Variants in ZNF423 observed in about 807,000 individuals in gnomAD.
ZNF423 encodes zinc finger protein 423.
A neutral mutation model predicts 95.8 loss-of-function variants in ZNF423; 12 were observed. That is an observed-to-expected ratio of 0.13 (90% confidence interval 0.08 to 0.20). The LOEUF (loss-of-function observed/expected upper bound fraction) is 0.20, where lower values mean the gene tolerates loss of function less well. Among genes scored for constraint, ZNF423 ranks in the 10% least tolerant of loss-of-function variants. The pLI is 1.00. For synonymous variants in ZNF423, 749 were observed against 711.9 expected (o/e 1.05, Z -0.83); for missense variants, 1,316 against 1,737.1 (o/e 0.76, Z 4.31).
intron 7 of ZNF423, among the ~76,000 whole-genome samples, chr16:49,504,459 G>A (rs1289209867): frequency 1.3e-5 from 2 of 152,178 alleles, no homozygotes; most frequent in African/African-American, 4.8e-5. Context: ...GCGTGTGTCT[G>A]TAATCCCAGC....
chr16:49,837,977 T>C (rs561405781), intron 1 of ZNF423, among the ~76,000 whole-genome samples: 1 of 152,348 alleles, frequency 6.6e-6, no homozygotes, highest in African/African-American at 2.4e-5. Context: ...TTGTCTGTCT[T>C]GCTACTAAGC....
intron 3 of ZNF423, among the ~76,000 whole-genome samples, chr16:49,667,311 C>A (rs1004355445): frequency 1.3e-5 from 2 of 152,216 alleles, no homozygotes; most frequent in Non-Finnish European, 2.9e-5. Flanking sequence ...GAGAAGAGAC[C>A]ATCAGACAGT....
At chr16:49,540,562 T>A (rs1222511404) in intron 5 of ZNF423, among the ~76,000 whole-genome samples, 1 of 152,178 alleles carries the variant, frequency 6.6e-6, no homozygotes, top group Admixed American at 6.5e-5. Flanking sequence ...ATTCCAGGCA[T>A]GAGCCAATGC....
At position 49,636,977 on chromosome 16, in the gene ZNF423, A is replaced by G. The variant is rs770286703; in HGVS notation, c.2199T>C (p.Cys733=). 6.2e-7 allele frequency: 1 copy of G among 1,613,764 alleles called. No individual in the cohort carries two copies. Among genetic ancestry groups the G allele is most frequent in the South Asian group, 1.1e-5 (1 of 91,078 alleles). The change falls in exon 4 of 8, where the codon TGT becomes TGC. Residue 733 remains cysteine, a synonymous_variant. Transcript: ENST00000563137. This position sits in a 1 kb window ranked among gnomAD's most constrained non-coding sequence, Gnocchi z 8.6. ...ACACCTTGGAGTCGAAGACCTCCTGACACAGGGTGCAGTGGTACAACACAA... is the reference window on the plus strand; with the variant it reads ...ACACCTTGGAGTCGAAGACCTCCTGGCACAGGGTGCAGTGGTACAACACAA... The part of the protein sequence containing the change: ...HTFVLYHCTL[C]QEVFDSKVSI...
At chr16:49,722,245 C>A (rs1440892298) in intron 3 of ZNF423, among the ~76,000 whole-genome samples, 2 of 152,176 alleles carry the variant, frequency 1.3e-5, no homozygotes, top group African/African-American at 4.8e-5. Context: ...CCAAGCAGAC[C>A]CAGGCTGGCC....
chr16:49,589,575 G>T (rs1007901619), intron 5 of ZNF423, among the ~76,000 whole-genome samples: 1 of 152,022 alleles, frequency 6.6e-6, no homozygotes, highest in Non-Finnish European at 1.5e-5. Context: ...GTTCTTCTGG[G>T]GCTGATCAGC....
intron 2 of ZNF423, among the ~76,000 whole-genome samples, chr16:49,777,868 T>C (rs2034145938): frequency 6.6e-6 from 1 of 152,236 alleles, no homozygotes; most frequent in African/African-American, 2.4e-5. Context: ...TAGATGGTTA[T>C]TATTTTTTAA....
intron 5 of ZNF423, among the ~76,000 whole-genome samples, chr16:49,557,344 C>T (rs74457163): frequency 6.6e-6 from 1 of 152,320 alleles, no homozygotes; most frequent in East Asian, 1.9e-4. Flanking sequence ...GCCCGCTCCT[C>T]CTCCCCGGGT....
intron 2 of ZNF423, among the ~76,000 whole-genome samples, chr16:49,762,987 C>T (rs1396351617): frequency 6.6e-6 from 1 of 152,148 alleles, no homozygotes; most frequent in Non-Finnish European, 1.5e-5. Context: ...CTCACCTCAG[C>T]CTCCTGAGTA....
intron 1 of ZNF423, among the ~76,000 whole-genome samples, chr16:49,793,257 A>G (rs1861343): frequency 0.55 from 82,853 of 151,920 alleles, 22,646 homozygotes; most frequent in Middle Eastern, 0.62. Context: ...CCCGTCTGCA[A>G]CTGGAGCTGG....
chr16:49,530,993 C>T (rs1475045339), intron 5 of ZNF423, among the ~76,000 whole-genome samples: 1 of 152,214 alleles, frequency 6.6e-6, no homozygotes, highest in African/African-American at 2.4e-5. Context: ...GAAGACAGAG[C>T]CGCCCTCCGC....
At chr16:49,811,576 T>G (rs2034753086) in intron 1 of ZNF423, among the ~76,000 whole-genome samples, 1 of 152,136 alleles carries the variant, frequency 6.6e-6, no homozygotes, top group Admixed American at 6.5e-5. Flanking sequence ...AATACAGTCC[T>G]TGCACTGCAG....
intron 2 of ZNF423, among the ~76,000 whole-genome samples, chr16:49,764,995 G>C (rs2033904128): frequency 6.6e-6 from 1 of 150,680 alleles, no homozygotes; most frequent in Non-Finnish European, 1.5e-5. Context: ...CTGACCTCAA[G>C]TGATTTGCCC....
chr16:49,657,543 G>A (rs1331938549), intron 3 of ZNF423, among the ~76,000 whole-genome samples: 1 of 152,238 alleles, frequency 6.6e-6, no homozygotes, highest in African/African-American at 2.4e-5. Flanking sequence ...CCCAAAGGGA[G>A]GGGAGGTGAT....
At chr16:49,776,739 G>A (rs1009868499) in intron 2 of ZNF423, among the ~76,000 whole-genome samples, 15 of 152,354 alleles carry the variant, frequency 9.8e-5, no homozygotes, top group African/African-American at 3.1e-4. Context: ...CCACACCAGG[G>A]TCAGCCCAGC....
intron 2 of ZNF423, among the ~76,000 whole-genome samples, chr16:49,778,556 C>T (rs941959596): frequency 2.6e-5 from 4 of 152,114 alleles, no homozygotes; most frequent in African/African-American, 9.7e-5. Context: ...CTGGCCTTCC[C>T]CACTTGGGAA....
chr16:49,638,850 G>C lies in ZNF423; in HGVS notation c.326C>G (p.Ser109Cys), dbSNP rs773132713. Residue 109 changes from serine to cysteine, a missense_variant, in exon 4 of 8, where the codon TCC (serine) becomes TGC (cysteine). By Grantham distance (112) the Ser-to-Cys change is moderately radical. Transcript: ENST00000563137. This position sits in a 1 kb window ranked among gnomAD's most constrained non-coding sequence, Gnocchi z 5.6. ...PGDGDDDPQL[S>C]WVASSPSSKD... ...GCTGGAGGGAGACGAGGCCACCCAGGAGAGTTGTGGGTCGTCATCACCATC... is the reference window on the plus strand; with the variant it reads ...GCTGGAGGGAGACGAGGCCACCCAGCAGAGTTGTGGGTCGTCATCACCATC... 3 of 1,610,378 alleles carry C rather than the reference G, an allele frequency of 1.9e-6. No individual in the cohort carries two copies. The highest frequency in any genetic ancestry group is 1.3e-5 in the African/African-American group (1 of 75,012).
At chr16:49,564,922 C>T (rs1302000612) in intron 5 of ZNF423, among the ~76,000 whole-genome samples, 1 of 152,222 alleles carries the variant, frequency 6.6e-6, no homozygotes, top group Non-Finnish European at 1.5e-5. Context: ...TCTAAATTCC[C>T]GGCATTCCAC....
intron 1 of ZNF423, among the ~76,000 whole-genome samples, chr16:49,812,441 C>A (rs889264928): frequency 6.6e-6 from 1 of 152,148 alleles, no homozygotes; most frequent in African/African-American, 2.4e-5. Context: ...CGCCTGTAAT[C>A]CCAGCACTCT....
Sources: allele counts gnomAD v4.1 joint callset (sites outside exome capture counted in the v4.1 genomes callset), GRCh38; gene constraint gnomAD v4.1.1; non-coding constraint Gnocchi (gnomAD v3.1); transcripts MANE v1.5; gene names NCBI Gene and HGNC (gene_info 2026-07-23, HGNC 2026-07-21).